The following EPHB6 variants were observed in gnomAD, a reference collection of about 807,000 sequenced individuals.
The protein encoded by EPHB6 is EPH receptor B6, also known as ephrin type-B receptor 6.
In EPHB6, 51 loss-of-function variants were observed where a neutral mutation model predicts 107.0. That is an observed-to-expected ratio of 0.48 (90% CI 0.38 to 0.60). EPHB6 has a LOEUF of 0.60. Among genes scored for constraint, EPHB6 ranks in the 20% least tolerant of loss-of-function variants. The pLI, the probability that EPHB6 is intolerant of heterozygous loss-of-function variation, is 0.00. For missense variants in EPHB6, 1,141 were observed against 1,355.5 expected (o/e 0.84, Z 2.48); for synonymous variants, 553 against 549.0 (o/e 1.01, Z -0.10).
Position 142,867,567 on chromosome 7 carries a change from G to A in EPHB6, c.1751-41G>A, listed in dbSNP as rs748731409. 6.4e-7 allele frequency: 1 copy of A among 1,558,680 alleles called. No homozygotes were observed. Among genetic ancestry groups the A allele is most frequent in the Admixed American group, 1.8e-5 (1 of 56,548 alleles). On this transcript the variant is annotated intron_variant, in intron 11 of 19. Transcript: ENST00000652003. The surrounding 1 kb of genome is among the most constrained non-coding windows in gnomAD (Gnocchi z 5.3). ...TGGGCACATGAACAAGCACCTGTGA[G>A]AGACCTGGCCCACCTGTGACCCTGT...
chr7:142,870,957 T>G lies in EPHB6; in HGVS notation c.*53T>G, dbSNP rs1242993348. The G allele has an allele frequency of 6.4e-7, 1 of 1,551,668 alleles. No individual in the cohort carries two copies. The highest frequency in any genetic ancestry group is 8.8e-7 in the Non-Finnish European group (1 of 1,142,566). On this transcript the variant is annotated 3_prime_UTR_variant, in exon 20 of 20. Transcript: ENST00000652003. ...GGACACTGGTCCGAGAAGGGACATG[T>G]GGGACGTGAGCCGGGCTCCAACAGC...
In EPHB6 at chr7:142,866,964, C is replaced by T; in HGVS notation, c.1646C>T (p.Thr549Ile). 1 of 1,614,144 alleles carries T rather than the reference C, an allele frequency of 6.2e-7. No homozygotes were observed. Among genetic ancestry groups the T allele is most frequent in the Non-Finnish European group, 8.5e-7 (1 of 1,180,022 alleles). ...LTSETNTATV[T>I]QLSPGHIYGF... ...AGCGAGACCAACACTGCCACCGTGA[C>T]ACAGCTGAGCCCTGGCCACATCTAT... is the stretch of plus-strand genomic sequence containing the variant. Residue 549 changes from threonine to isoleucine, a missense_variant, in exon 11 of 20, where the codon ACA (threonine) becomes ATA (isoleucine). Thr to Ile is a moderately conservative substitution (Grantham distance 89). This residue lies in a region of EPHB6 where 616 missense variants were observed against 759.3 expected (regional missense o/e 0.81). Coordinates refer to ENST00000652003, the MANE Select transcript of EPHB6 (RefSeq NM_004445.6). The surrounding 1 kb of genome is among the most constrained non-coding windows in gnomAD (Gnocchi z 5.2).
In EPHB6 at chr7:142,869,842, C is replaced by T. The variant is rs1439089299; in HGVS notation, c.2486C>T (p.Ala829Val). 1 of 1,614,230 alleles carries T rather than the reference C, an allele frequency of 6.2e-7. No homozygotes were observed. The highest frequency in any genetic ancestry group is 2.2e-5 in the East Asian group (1 of 44,882). Residue 829 changes from alanine (A) to valine (V), a missense_variant, in exon 17 of 20, where the codon GCA (alanine) becomes GTA (valine). Coordinates refer to ENST00000652003, the MANE Select transcript of EPHB6 (RefSeq NM_004445.6). This position sits in a 1 kb window ranked among gnomAD's most constrained non-coding sequence, Gnocchi z 4.5. ...GGCCCAAGTTGTTTGCTTCGCTGGG[C>T]AGCCCCAGAGGTCATTGCACATGGA... ...PQGPSCLLRW[A>V]APEVIAHGKH...
At position 142,866,889 on chromosome 7, in the gene EPHB6, G is replaced by A. The variant is rs746747646; in HGVS notation, c.1588-17G>A. ...CAAGAGGGGGCCAGGCAGGGAGTGAGTGGCTGTTACCCCCAGGCAGAAGAC... is the reference window on the plus strand; with the variant it reads ...CAAGAGGGGGCCAGGCAGGGAGTGAATGGCTGTTACCCCCAGGCAGAAGAC... On this transcript the variant is annotated splice_polypyrimidine_tract_variant and intron_variant, in intron 10 of 19. Transcript: ENST00000652003. This position sits in a 1 kb window ranked among gnomAD's most constrained non-coding sequence, Gnocchi z 5.2. The A allele has an allele frequency of 1.2e-6, 2 of 1,613,858 alleles. No homozygotes were observed. The highest frequency in any genetic ancestry group is 1.7e-6 in the Non-Finnish European group (2 of 1,179,950).
At chr7:142,858,591 A>G (rs1273389792) in intron 1 of EPHB6, among the ~76,000 whole-genome samples, 3 of 132,672 alleles carry the variant, frequency 2.3e-5, no homozygotes, top group African/African-American at 8.3e-5. Context: ...ACACGCCACC[A>G]CGCCCAGCTA....
rs768612042 is a variant in EPHB6, at chr7:142,867,863, G to C, written c.1866-134G>C. ...AGCCAGCCCCTGCCCTGGGCCCCAC[G>C]TGGAGATGGGCAGGAGGGCCAGGCT... On this transcript the variant is annotated intron_variant, in intron 12 of 19. Coordinates refer to ENST00000652003, the MANE Select transcript of EPHB6 (RefSeq NM_004445.6). This position sits in a 1 kb window ranked among gnomAD's most constrained non-coding sequence, Gnocchi z 5.3. 2.4e-5 allele frequency: 35 copies of C among 1,454,438 alleles called. No homozygotes were observed. The highest frequency in any genetic ancestry group is 3.2e-5 in the Non-Finnish European group (34 of 1,061,350). 90.1% of individuals were successfully genotyped at this position (1,454,438 alleles called of 1,614,324 possible).
chr7:142,868,785 A>G lies in EPHB6; in HGVS notation c.2286+46A>G. ...GGAGGAGGGTCCTTGGGTCCAGGAAAGCTTCCAGGAGACGAGGTCCTGTAT... is the reference window on the plus strand; with the variant it reads ...GGAGGAGGGTCCTTGGGTCCAGGAAGGCTTCCAGGAGACGAGGTCCTGTAT... On this transcript the variant is annotated intron_variant, in intron 15 of 19. Transcript: ENST00000652003. The surrounding 1 kb of genome is among the most constrained non-coding windows in gnomAD (Gnocchi z 4.2). 1 of 1,613,418 alleles carries G rather than the reference A, an allele frequency of 6.2e-7. No homozygotes were observed. The highest frequency in any genetic ancestry group is 1.3e-5 in the African/African-American group (1 of 75,028).
chr7:142,862,166 G>C (rs939915633), intron 3 of EPHB6, 33 bp downstream of exon 3: 1 of 152,038 alleles, frequency 6.6e-6, no homozygotes, highest in Non-Finnish European at 1.5e-5. Flanking sequence ...CTTTCATCTG[G>C]GCACTAATCT....
chr7:142,861,827 G>A (rs1264454213), intron 2 of EPHB6, among the ~76,000 whole-genome samples, 190 bp from the exon 3 acceptor site: 2 of 152,186 alleles, frequency 1.3e-5, no homozygotes, highest in Non-Finnish European at 2.9e-5. Flanking sequence ...TGTAGTTGCT[G>A]GAAAGATATT....
At chr7:142,858,602 A>ATT (rs58084930) in intron 1 of EPHB6, among the ~76,000 whole-genome samples, 13,181 of 130,058 alleles carry the variant, frequency 0.1, 867 homozygotes, top group Non-Finnish European at 0.13. Flanking sequence ...CGCCCAGCTA[A>ATT]TTTTTTTTTT....
Position 142,855,591 on chromosome 7 carries a change from C to T in EPHB6, c.-432+206C>T, listed in dbSNP as rs1000237110. On this transcript the variant is annotated intron_variant, in intron 1 of 19. Transcript: ENST00000652003. This position sits in a 1 kb window ranked among gnomAD's most constrained non-coding sequence, Gnocchi z 4.2. ...ACCTGGCTACTCCCCTCTCACTCCACTCTGACCTGGCATCATTGACACCGC... is the reference window on the plus strand; with the variant it reads ...ACCTGGCTACTCCCCTCTCACTCCATTCTGACCTGGCATCATTGACACCGC... Among the ~76,000 whole-genome samples the T allele has an allele frequency of 6.6e-6, 1 of 152,180 alleles. No individual in the cohort carries two copies. Among genetic ancestry groups the T allele is most frequent in the African/African-American group, 2.4e-5 (1 of 41,444 alleles).
rs144712301 is a variant in EPHB6 at position 142,865,566 on chromosome 7, C to A, written c.1041C>A (p.Pro347=). 27 of 1,613,678 alleles carry A rather than the reference C, an allele frequency of 1.7e-5. No individual in the cohort carries two copies. In the African/African-American group the frequency reaches 2.1e-4, roughly 13 times the overall value. ...GTCACGCTCCCAACCCAGCAGCCCC[C>A]GTTTGCCCCTGCCTGGAGGGCTTCT... ...ARSHAPNPAA[P]VCPCLEGFYR... Residue 347 remains proline (P), a synonymous_variant, in exon 8 of 20, where the codon CCC becomes CCA. Coordinates refer to ENST00000652003, the MANE Select transcript of EPHB6 (RefSeq NM_004445.6).
At chr7:142,862,349 A>G (rs576587005) in intron 3 of EPHB6, among the ~76,000 whole-genome samples, 3 of 152,174 alleles carry the variant, frequency 2.0e-5, no homozygotes, top group Non-Finnish European at 2.9e-5. Flanking sequence ...TTTCCTTTCA[A>G]TGTGAGCAAA....
At chr7:142,857,945 C>A (rs1802679179) in intron 1 of EPHB6, among the ~76,000 whole-genome samples, 1 of 152,170 alleles carries the variant, frequency 6.6e-6, no homozygotes, top group Admixed American at 6.5e-5. Flanking sequence ...CCTCTACCTT[C>A]TTCTTATAGA....
rs1794868789 is a variant in EPHB6 at position 142,870,595 on chromosome 7, G to T, written c.2870G>T (p.Trp957Leu). The change falls in exon 19 of 20, where the codon TGG becomes TTG. Residue 957 changes from tryptophan (W) to leucine (L), a missense_variant. This residue lies in a region of EPHB6 where 616 missense variants were observed against 759.3 expected (regional missense o/e 0.81). Transcript: ENST00000652003. The stretch of plus-strand genomic sequence containing the variant: ...CCTTGTCTGGACTCACCCCAGGCCT[G>T]GCTTTCAGCCATTGGACTGGAGTGC... ...DFPCLDSPQA[W>L]LSAIGLECYQ... is the part of the protein sequence containing the mutation. 1 of 1,614,150 alleles carries T rather than the reference G, an allele frequency of 6.2e-7. No homozygotes were observed. The highest frequency in any genetic ancestry group is 1.7e-5 in the Admixed American group (1 of 60,012).
At position 142,870,614 on chromosome 7, in the gene EPHB6, G is replaced by A. The variant is rs1342952593; in HGVS notation, c.2889G>A (p.Leu963=). The change falls in exon 19 of 20, where the codon CTG becomes CTA. Residue 963 remains leucine (L), a synonymous_variant. Coordinates refer to ENST00000652003, the MANE Select transcript of EPHB6 (RefSeq NM_004445.6). ...SPQAWLSAIG[L]ECYQDNFSKF... ...AGGCCTGGCTTTCAGCCATTGGACTGGAGTGCTACCAGGACAACTTCTCCA... is the reference window on the plus strand; with the variant it reads ...AGGCCTGGCTTTCAGCCATTGGACTAGAGTGCTACCAGGACAACTTCTCCA... 2.5e-6 allele frequency: 4 copies of A among 1,614,154 alleles called. No homozygotes were observed. In the South Asian group the frequency reaches 4.4e-5, roughly 18 times the overall value.
intron 7 of EPHB6, among the ~76,000 whole-genome samples, chr7:142,865,085 G>A (rs1274806438): frequency 6.6e-6 from 1 of 152,176 alleles, no homozygotes; most frequent in Non-Finnish European, 1.5e-5. Flanking sequence ...TCGCCCTTCT[G>A]TTGGGAGGGT....
At position 142,869,251 on chromosome 7, in the gene EPHB6, G is replaced by A. The variant is rs1794780189; in HGVS notation, c.2460+104G>A. ...AATCTGGGGTAGGTACCTCAGCCGG[G>A]GTGTCATAGTCCCTGAAAGGAGGGA... On this transcript the variant is annotated intron_variant, in intron 16 of 19. Coordinates refer to ENST00000652003, the MANE Select transcript of EPHB6 (RefSeq NM_004445.6). The surrounding 1 kb of genome is among the most constrained non-coding windows in gnomAD (Gnocchi z 4.5). 14 of 1,331,510 alleles carry A rather than the reference G, an allele frequency of 1.1e-5. No individual in the cohort carries two copies. In the South Asian group the frequency reaches 1.6e-4, roughly 15 times the overall value. The allele number at this position is 1,331,510 out of a possible 1,614,324, so 82.5% of individuals were successfully genotyped here. A position where few individuals can be genotyped will look rare whatever the true frequency, so the allele number is the denominator to read the frequency against.
At position 142,864,559 on chromosome 7, in the gene EPHB6, G is replaced by A. The variant is rs1326901930; in HGVS notation, c.759G>A (p.Gly253=). 1 of 1,613,204 alleles carries A rather than the reference G, an allele frequency of 6.2e-7. No individual in the cohort carries two copies. The highest frequency in any genetic ancestry group is 1.6e-4 in the Middle Eastern group (1 of 6,062). The change falls in exon 7 of 20, where the codon GGG becomes GGA. Residue 253 remains glycine (G), a synonymous_variant. Transcript: ENST00000652003. ...FPETQASGAG[G]ASLVAAVGTC... ...AGACGCAGGCCAGTGGGGCTGGGGG[G>A]GCCTCCCTGGTGGCAGCTGTGGGCA...
Sources: allele counts gnomAD v4.1 joint callset (sites outside exome capture counted in the v4.1 genomes callset), GRCh38; gene constraint gnomAD v4.1.1; regional missense constraint gnomAD v4.1.1; non-coding constraint Gnocchi (gnomAD v3.1); transcripts MANE v1.5; gene names NCBI Gene and HGNC (gene_info 2026-07-23, HGNC 2026-07-21).